SLC26A7: variants seen among roughly 807,000 people sequenced by gnomAD.
The protein encoded by SLC26A7 is anion exchange transporter.
Under a neutral mutation model 82.5 loss-of-function variants are expected in SLC26A7, and 59 were observed. The observed-to-expected ratio is 0.72, with a 90% CI of 0.58 to 0.89. The LOEUF (loss-of-function observed/expected upper bound fraction) is 0.89. Ranked by LOEUF, SLC26A7 falls within the 40% of genes least tolerant of loss-of-function variation. SLC26A7 has a pLI of 0.00. For synonymous variants in SLC26A7, 271 were observed against 274.3 expected, an observed-to-expected ratio of 0.99 and a Z score of 0.12; for missense variants, 820 against 793.0, an observed-to-expected ratio of 1.03 and a Z score of -0.41.
rs930504173 is a variant in SLC26A7 at position 91,249,588 on chromosome 8, G to A, written c.-64G>A. 9.1e-6 allele frequency: 12 copies of A among 1,323,426 alleles called. No homozygotes were observed. The highest frequency in any genetic ancestry group is 3.1e-5 in the African/African-American group (2 of 65,512). The allele number at this position is 1,323,426 out of a possible 1,614,324, so 82.0% of individuals were successfully genotyped here. On this transcript the variant is annotated 5_prime_UTR_variant, in exon 2 of 19. It adds an upstream start codon to the 5' untranslated region. Transcript: ENST00000276609. ...AATTGGAGCTTGGCATTGAAAGGAG[G>A]TGTTCTGCAATGATTTTTTTTCTTG...
At chr8:91,339,552 C>A (rs1345315496) in intron 7 of SLC26A7, among the ~76,000 whole-genome samples, 5 of 152,020 alleles carry the variant, frequency 3.3e-5, no homozygotes, top group African/African-American at 1.2e-4. Context: ...TATGAAAGGG[C>A]CAAGCATTCT....
At position 91,353,012 on chromosome 8, in the gene SLC26A7, A is replaced by T. The variant is rs1433519778; in HGVS notation, c.1314+16A>T. The T allele has an allele frequency of 6.4e-7, 1 of 1,557,344 alleles. No homozygotes were observed. Among genetic ancestry groups the T allele is most frequent in the Non-Finnish European group, 8.8e-7 (1 of 1,137,932 alleles). ...AATCGATTGGGTAAGTAGAAATTTG[A>T]CCTAAAACAATCCCTTTTTAGCTTA... On this transcript the variant is annotated intron_variant, in intron 11 of 18. Transcript: ENST00000276609.
intron 4 of SLC26A7, among the ~76,000 whole-genome samples, chr8:91,315,391 C>A (rs1812599485): frequency 6.7e-6 from 1 of 148,702 alleles, no homozygotes; most frequent in Non-Finnish European, 1.5e-5. Flanking sequence ...ATAATTGGTT[C>A]AATGTTTTTC....
chr8:91,250,426 A>G (rs1810626994), intron 2 of SLC26A7, among the ~76,000 whole-genome samples: 1 of 152,122 alleles, frequency 6.6e-6, no homozygotes, highest in Admixed American at 6.6e-5. Flanking sequence ...TCTCAGTAAG[A>G]TATTTAAACT....
In SLC26A7 at chr8:91,389,441, A is replaced by AT. The variant is rs1814893377; in HGVS notation, c.1776+6dup. 1 of 1,601,472 alleles carries AT rather than the reference A, an allele frequency of 6.2e-7. No individual in the cohort carries two copies. Among genetic ancestry groups the AT allele is most frequent in the South Asian group, 1.1e-5 (1 of 90,780 alleles). On this transcript the variant is annotated splice_donor_region_variant and intron_variant, in intron 16 of 18. Coordinates refer to ENST00000276609, the MANE Select transcript of SLC26A7 (RefSeq NM_052832.4). Reference sequence around the variant, plus strand: ...CTGGAGTCTCCATGCTTGTTGAGGTATTTATGGAACTTGTGTTTAGAACTG... The same window carrying AT: ...CTGGAGTCTCCATGCTTGTTGAGGTATTTTATGGAACTTGTGTTTAGAACTG...
intron 5 of SLC26A7, among the ~76,000 whole-genome samples, chr8:91,326,637 C>G (rs936083544): frequency 6.6e-6 from 1 of 152,204 alleles, no homozygotes; most frequent in African/African-American, 2.4e-5. Context: ...GAACACAAGT[C>G]AGCCCATAAT....
At chr8:91,368,039 C>T (rs1814245093) in intron 14 of SLC26A7, among the ~76,000 whole-genome samples, 1 of 152,104 alleles carries the variant, frequency 6.6e-6, no homozygotes, top group African/African-American at 2.4e-5. Flanking sequence ...GTCTCCTGTT[C>T]AACAATTATT....
rs113812324 is a variant in SLC26A7 at position 91,328,539 on chromosome 8, C to T, written c.643-5756C>T. Among the ~76,000 whole-genome samples, 224 of 152,150 alleles carry T rather than the reference C, an allele frequency of 1.5e-3. 2 individuals carry two copies. Among genetic ancestry groups the T allele is most frequent in the African/African-American group, 5.3e-3 (221 of 41,526 alleles). On this transcript the variant is annotated intron_variant, in intron 5 of 18. Transcript: ENST00000276609. Reference sequence around the variant, plus strand: ...AGAGTCTGGATCCTTTCTCTTCTTGCTATTCTACTTATTCAAGGTAAAATC... The same window carrying T: ...AGAGTCTGGATCCTTTCTCTTCTTGTTATTCTACTTATTCAAGGTAAAATC...
intron 5 of SLC26A7, among the ~76,000 whole-genome samples, chr8:91,333,103 T>G (rs1563683963): frequency 6.6e-6 from 1 of 152,146 alleles, no homozygotes. Context: ...TCACCCTATC[T>G]TTTTTGTGCT....
intron 4 of SLC26A7, among the ~76,000 whole-genome samples, chr8:91,304,097 G>A (rs1162259771): frequency 2.6e-5 from 4 of 152,176 alleles, no homozygotes; most frequent in East Asian, 1.9e-4. Flanking sequence ...TATTTGACAA[G>A]CTCTGTTCTA....
intron 4 of SLC26A7, among the ~76,000 whole-genome samples, chr8:91,317,856 A>G (rs1812681136): frequency 6.6e-6 from 1 of 151,396 alleles, no homozygotes; most frequent in Non-Finnish European, 1.5e-5. Context: ...AAAAGTCTAA[A>G]TTTAGAAAAA....
intron 2 of SLC26A7, among the ~76,000 whole-genome samples, chr8:91,281,236 A>G (rs1811563900): frequency 1.3e-5 from 2 of 152,270 alleles, no homozygotes; most frequent in African/African-American, 2.4e-5. Flanking sequence ...ACATAAGAGT[A>G]TCATACAAAA....
intron 2 of SLC26A7, among the ~76,000 whole-genome samples, chr8:91,268,483 A>G (rs890708157): frequency 6.6e-5 from 10 of 151,660 alleles, no homozygotes; most frequent in Admixed American, 2.0e-4. Flanking sequence ...CCATTTGCAT[A>G]GAATCTTTTT....
At chr8:91,215,600 T>C (rs1233001495) in intron 1 of SLC26A7, among the ~76,000 whole-genome samples, 3 of 152,198 alleles carry the variant, frequency 2.0e-5, no homozygotes, top group Non-Finnish European at 4.4e-5. Flanking sequence ...AACTGTATTA[T>C]AGCATTTTAC....
intron 14 of SLC26A7, among the ~76,000 whole-genome samples, chr8:91,367,491 T>A (rs1444501236): frequency 1.3e-5 from 2 of 152,228 alleles, no homozygotes; most frequent in African/African-American, 2.4e-5. Flanking sequence ...CAAATGTGCA[T>A]CAATATGATT....
chr8:91,271,281 T>A (rs1434537965), intron 2 of SLC26A7, among the ~76,000 whole-genome samples: 4 of 152,202 alleles, frequency 2.6e-5, no homozygotes, highest in Non-Finnish European at 4.4e-5. Flanking sequence ...TGTCAATTGT[T>A]TATTGTTGTA....
chr8:91,296,157 G>C (rs766144271), intron 4 of SLC26A7, among the ~76,000 whole-genome samples: 10 of 152,270 alleles, frequency 6.6e-5, no homozygotes, highest in East Asian at 1.9e-4. Context: ...ATGGTGCTTG[G>C]TTTATGCTAT....
Position 91,396,209 on chromosome 8 carries a change from G to C in SLC26A7, c.*1112G>C, listed in dbSNP as rs1808569717. 6.6e-6 allele frequency: 1 copy of C among 151,928 alleles called. No homozygotes were observed. Among genetic ancestry groups the C allele is most frequent in the Non-Finnish European group, 1.5e-5 (1 of 67,888 alleles). 9.4% of individuals were successfully genotyped at this position (151,928 alleles called of 1,614,324 possible). On this transcript the variant is annotated 3_prime_UTR_variant, in exon 19 of 19. Coordinates refer to ENST00000276609, the MANE Select transcript of SLC26A7 (RefSeq NM_052832.4). ...TACATATATTTTCAATCACATACAA[G>C]TACATAGAATTTCACATTTTAATTT... is the stretch of plus-strand genomic sequence containing the variant.
intron 4 of SLC26A7, among the ~76,000 whole-genome samples, chr8:91,300,906 A>C (rs1812148301): frequency 6.7e-6 from 1 of 149,378 alleles, no homozygotes; most frequent in African/African-American, 2.6e-5. Context: ...TTGTCATGTT[A>C]AGAAATTATA....
Sources: gnomAD v4.1 joint callset for allele counts (sites outside exome capture counted in the v4.1 genomes callset) on GRCh38, gnomAD v4.1.1 for gene constraint, MANE v1.5 for transcripts, NCBI Gene and HGNC (gene_info 2026-07-23, HGNC 2026-07-21) for gene names.